MALRD1: variants seen among roughly 807,000 people sequenced by gnomAD.
MALRD1 encodes the protein MAM and LDL receptor class A domain containing 1.
In MALRD1, 247 loss-of-function variants were observed where a neutral mutation model predicts 242.1. That is an observed-to-expected ratio of 1.02 (90% CI 0.92 to 1.13). MALRD1 has a LOEUF of 1.13. Among genes scored for constraint, MALRD1 ranks in the 50% most tolerant of loss-of-function variants. The pLI, the probability that MALRD1 is intolerant of heterozygous loss-of-function variation, is 0.00. For missense variants in MALRD1, 2,989 were observed against 2,533.1 expected (o/e 1.18, Z -3.86); for synonymous variants, 995 against 866.6 (o/e 1.15, Z -2.60).
chr10:19,094,693 A>G (rs1363329015), intron 4 of MALRD1, among the ~76,000 whole-genome samples: 2 of 152,208 alleles, frequency 1.3e-5, no homozygotes, highest in African/African-American at 4.8e-5. Flanking sequence ...ATGCTGGGTA[A>G]TGAGGAAGGA....
intron 38 of MALRD1, among the ~76,000 whole-genome samples, chr10:19,700,804 G>A (rs1361529504): frequency 6.6e-6 from 1 of 152,076 alleles, no homozygotes; most frequent in African/African-American, 2.4e-5. Context: ...TGAGTCATTT[G>A]ATCCACACCT....
At chr10:19,055,710 C>A (rs988496666) in intron 1 of MALRD1, among the ~76,000 whole-genome samples, 3 of 152,120 alleles carry the variant, frequency 2.0e-5, no homozygotes, top group African/African-American at 7.2e-5. Flanking sequence ...AGTCAATTGA[C>A]CATCAATGTG....
At chr10:19,579,515 C>T (rs1589261104) in intron 33 of MALRD1, among the ~76,000 whole-genome samples, 2 of 152,296 alleles carry the variant, frequency 1.3e-5, no homozygotes, top group South Asian at 2.1e-4. Context: ...GGTACCAAAG[C>T]ACCTGCTCAT....
Position 19,408,963 on chromosome 10 carries a change from A to T in MALRD1, c.4845+19354A>T, listed in dbSNP as rs1490016425. ...GATAGTTGTTTATCCCAGAGAAATG[A>T]AGACTTATGTTCACATGAATACCTG... On this transcript the variant is annotated intron_variant, in intron 28 of 39. Transcript: ENST00000454679. Among the ~76,000 whole-genome samples, 3 of 152,224 alleles carry T rather than the reference A, an allele frequency of 2.0e-5. 1 individual carries two copies. The East Asian group carries it at 5.8e-4, about 29-fold the overall frequency.
At chr10:19,166,011 A>G (rs972466032) in intron 13 of MALRD1, among the ~76,000 whole-genome samples, 4 of 152,250 alleles carry the variant, frequency 2.6e-5, no homozygotes, top group African/African-American at 9.6e-5. Context: ...TTTATTCAAC[A>G]TTAATGAAGC....
intron 22 of MALRD1, among the ~76,000 whole-genome samples, chr10:19,327,086 C>G (rs1009786641): frequency 1.1e-4 from 16 of 152,072 alleles, no homozygotes; most frequent in African/African-American, 3.4e-4. Flanking sequence ...TAGATGCTCA[C>G]TCATCTTACC....
intron 33 of MALRD1, among the ~76,000 whole-genome samples, chr10:19,572,913 T>C (rs6481982): frequency 0.87 from 132,605 of 152,212 alleles, 57,786 homozygotes; most frequent in African/African-American, 0.9. Context: ...CTAGCAATAC[T>C]TTGAATTCAG....
At chr10:19,055,859 A>T (rs1481704879) in intron 1 of MALRD1, among the ~76,000 whole-genome samples, 2 of 152,182 alleles carry the variant, frequency 1.3e-5, no homozygotes, top group African/African-American at 4.8e-5. Context: ...GGGAAGAGGG[A>T]GGTGGGTGAG....
chr10:19,462,029 C>T (rs759962430), intron 29 of MALRD1, among the ~76,000 whole-genome samples: 3 of 152,222 alleles, frequency 2.0e-5, no homozygotes, highest in South Asian at 2.1e-4. Flanking sequence ...TGTAGAGAGA[C>T]GGCAGGATAC....
rs35846232 is a variant in MALRD1 at position 19,602,196 on chromosome 10, C to CTTTT, written c.5945-5569_5945-5566dup. On this transcript the variant is annotated intron_variant, in intron 34 of 39. Coordinates refer to ENST00000454679, the MANE Select transcript of MALRD1 (RefSeq NM_001142308.3). ...TGTCCGTCTTTGCAGGTAGCATAGT[C>CTTTT]TTTTTTTTTTTTTTTATACTTTAAG... Among the ~76,000 whole-genome samples, 280 of 113,256 alleles carry CTTTT rather than the reference C, an allele frequency of 2.5e-3. 3 individuals are homozygous for CTTTT. Among genetic ancestry groups the CTTTT allele is most frequent in the African/African-American group, 8.9e-3 (265 of 29,784 alleles). The allele number at this position is 113,256 out of a possible 152,430, so 74.3% of individuals were successfully genotyped here. A position where few individuals can be genotyped will look rare whatever the true frequency, so the allele number is the denominator to read the frequency against.
At chr10:19,199,541 C>G (rs1396092876) in intron 14 of MALRD1, among the ~76,000 whole-genome samples, 1 of 152,136 alleles carries the variant, frequency 6.6e-6, no homozygotes, top group Non-Finnish European at 1.5e-5. Flanking sequence ...TGGCTCACGC[C>G]TGTAATCTCA....
chr10:19,723,624 C>T (rs1834876944), intron 38 of MALRD1, among the ~76,000 whole-genome samples: 1 of 151,946 alleles, frequency 6.6e-6, no homozygotes, highest in Admixed American at 6.6e-5. Flanking sequence ...CACCTATAGT[C>T]CCAGCAACTC....
intron 29 of MALRD1, among the ~76,000 whole-genome samples, chr10:19,474,912 T>C (rs1341555366): frequency 6.6e-6 from 1 of 152,150 alleles, no homozygotes; most frequent in Non-Finnish European, 1.5e-5. Context: ...AAAATGAATG[T>C]TATATAACAT....
intron 28 of MALRD1, among the ~76,000 whole-genome samples, chr10:19,443,104 A>G (rs903727134): frequency 6.6e-6 from 1 of 152,064 alleles, no homozygotes; most frequent in Non-Finnish European, 1.5e-5. Flanking sequence ...GTTTATTTGC[A>G]TAGAGGTGTT....
chr10:19,275,805 T>A (rs181226563), intron 19 of MALRD1, among the ~76,000 whole-genome samples: 170 of 152,358 alleles, frequency 1.1e-3, no homozygotes, highest in African/African-American at 3.8e-3. Flanking sequence ...TGTTTCCATT[T>A]AGCTGTTTAT....
intron 28 of MALRD1, among the ~76,000 whole-genome samples, chr10:19,411,929 C>T (rs1833291307): frequency 2.0e-5 from 3 of 152,216 alleles, no homozygotes; most frequent in African/African-American, 7.2e-5. Context: ...TGTGGGACAA[C>T]TGACTGTTCA....
At chr10:19,276,404 C>T (rs1423556461) in intron 19 of MALRD1, among the ~76,000 whole-genome samples, 5 of 152,022 alleles carry the variant, frequency 3.3e-5, no homozygotes, top group Non-Finnish European at 5.9e-5. Flanking sequence ...TGTATTTAAA[C>T]ATTTTAAAAG....
chr10:19,464,863 T>C (rs1458292564), intron 29 of MALRD1, among the ~76,000 whole-genome samples: 2 of 152,186 alleles, frequency 1.3e-5, no homozygotes, highest in African/African-American at 2.4e-5. Flanking sequence ...TTTCCATTTG[T>C]TTGTGTTGCC....
chr10:19,574,031 T>A (rs193029503), intron 33 of MALRD1, among the ~76,000 whole-genome samples: 190 of 152,344 alleles, frequency 1.2e-3, no homozygotes, highest in African/African-American at 4.4e-3. Flanking sequence ...TTGATAAATA[T>A]AAGTTATTGG....
Sources: gnomAD v4.1 joint callset for allele counts (sites outside exome capture counted in the v4.1 genomes callset) on GRCh38, gnomAD v4.1.1 for gene constraint, MANE v1.5 for transcripts, NCBI Gene and HGNC (gene_info 2026-07-23, HGNC 2026-07-21) for gene names.